Variants in MARCHF6 observed in about 807,000 individuals in gnomAD.
MARCHF6 encodes the protein membrane associated ring-CH-type finger 6.
In MARCHF6, 31 loss-of-function variants were observed where a neutral mutation model predicts 133.7. That is an observed-to-expected ratio of 0.23 (90% confidence interval 0.17 to 0.31). The LOEUF (loss-of-function observed/expected upper bound fraction) is 0.31. MARCHF6 is among the 10% of genes least tolerant of loss of function. MARCHF6 has a pLI of 1.00. For synonymous variants in MARCHF6, 395 were observed against 402.5 expected (o/e 0.98, Z 0.22); for missense variants, 723 against 1,121.6 (o/e 0.64, Z 5.08).
chr5:10,403,169 C>T (rs984436252), intron 14 of MARCHF6, among the ~76,000 whole-genome samples: 3 of 152,086 alleles, frequency 2.0e-5, no homozygotes, highest in Non-Finnish European at 4.4e-5. Context: ...AAAAATAGTT[C>T]TTTAATAGAA....
chr5:10,356,513 A>G (rs1298775801), intron 1 of MARCHF6, among the ~76,000 whole-genome samples: 1 of 151,728 alleles, frequency 6.6e-6, no homozygotes, highest in East Asian at 1.9e-4. Context: ...CTCCTGTCTC[A>G]GCCTCCTGAG....
intron 15 of MARCHF6, among the ~76,000 whole-genome samples, chr5:10,404,511 TG>T (rs1190365481): frequency 2.0e-5 from 3 of 152,222 alleles, no homozygotes; most frequent in Non-Finnish European, 2.9e-5. Flanking sequence ...GACACTATAC[TG>T]CATTCTGGGG....
At chr5:10,356,336 G>GTTTT (rs1336934009) in intron 1 of MARCHF6, among the ~76,000 whole-genome samples, 32 of 129,606 alleles carry the variant, frequency 2.5e-4, no homozygotes, top group African/African-American at 4.8e-4. Flanking sequence ...TTGTGGTTCT[G>GTTTT]TTTTTTATTT....
chr5:10,398,353 T>G (rs1408961358), intron 10 of MARCHF6, among the ~76,000 whole-genome samples: 1 of 152,216 alleles, frequency 6.6e-6, no homozygotes, highest in Non-Finnish European at 1.5e-5. Context: ...AAAATTGATT[T>G]CTGTGTATTA....
At chr5:10,410,812 C>T in intron 18 of MARCHF6, among the ~76,000 whole-genome samples, 1 of 152,206 alleles carries the variant, frequency 6.6e-6, no homozygotes, top group East Asian at 1.9e-4. Flanking sequence ...CTGTCGTCCT[C>T]TAACTGCTTC....
intron 3 of MARCHF6, among the ~76,000 whole-genome samples, chr5:10,381,163 C>T (rs888166769): frequency 3.3e-5 from 5 of 152,116 alleles, no homozygotes; most frequent in Admixed American, 1.3e-4. Context: ...TTATTGGAAC[C>T]ATTTTAAAAG....
At chr5:10,364,758 G>A (rs1736032202) in intron 1 of MARCHF6, among the ~76,000 whole-genome samples, 2 of 152,160 alleles carry the variant, frequency 1.3e-5, no homozygotes, top group Non-Finnish European at 2.9e-5. Context: ...GCAACTGCTG[G>A]TTTTTAGAAA....
At chr5:10,406,119 CATT>C (rs1285296822) in intron 16 of MARCHF6, among the ~76,000 whole-genome samples, 1 of 152,164 alleles carries the variant, frequency 6.6e-6, no homozygotes, top group Non-Finnish European at 1.5e-5. Context: ...ATTGTGTGCT[CATT>C]ATGAGAATCT....
At chr5:10,395,761 A>G (rs1021902208) in intron 9 of MARCHF6, among the ~76,000 whole-genome samples, 3 of 152,208 alleles carry the variant, frequency 2.0e-5, no homozygotes, top group Non-Finnish European at 2.9e-5. Context: ...AGATATCTCC[A>G]TCTGTCTCCT....
rs1273823794 is a variant in MARCHF6, at chr5:10,415,627, A to G, written c.2106A>G (p.Gly702=). The change falls in exon 21 of 26, where the codon GGA becomes GGG. Residue 702 remains glycine (G), a synonymous_variant. Coordinates refer to ENST00000274140, the MANE Select transcript of MARCHF6 (RefSeq NM_005885.4). ...VTVMVAWMPQ[G]RRVIFQKVKE... ...TGATGGTGGCATGGATGCCTCAGGG[A>G]CGCAGAGTGATCTTCCAGAAGGTTA... is the stretch of plus-strand genomic sequence containing the variant. 4 of 1,614,020 alleles carry G rather than the reference A, an allele frequency of 2.5e-6. No homozygotes were observed. In the East Asian group the frequency reaches 6.7e-5, roughly 27 times the overall value.
chr5:10,376,562 G>A (rs1387369495), intron 1 of MARCHF6, among the ~76,000 whole-genome samples: 3 of 152,140 alleles, frequency 2.0e-5, no homozygotes, highest in Non-Finnish European at 4.4e-5. Context: ...GGAGATTAGC[G>A]TGCTAACCAG....
chr5:10,411,349 T>C lies in MARCHF6; in HGVS notation c.1708T>C (p.Leu570=). ...AGYLLDLHSY[L]LGDQEENENS... is the part of the protein sequence containing the mutation. ...TTTGCACAGGGATCTTCATTCTTAT[T>C]TATTGGGAGACCAGGAAGAAAATGA... is the stretch of plus-strand genomic sequence containing the variant. Residue 570 remains leucine, a synonymous_variant, in exon 19 of 26, where the codon TTA becomes CTA. Transcript: ENST00000274140. 6.2e-7 allele frequency: 1 copy of C among 1,614,162 alleles called. No homozygotes were observed. Among genetic ancestry groups the C allele is most frequent in the South Asian group, 1.1e-5 (1 of 91,074 alleles).
chr5:10,374,865 A>C (rs148826815), intron 1 of MARCHF6, among the ~76,000 whole-genome samples: 1 of 152,358 alleles, frequency 6.6e-6, no homozygotes, highest in African/African-American at 2.4e-5. Flanking sequence ...GAGACAGCTT[A>C]ATTTGACTGA....
At chr5:10,401,822 T>C (rs576126976) in intron 11 of MARCHF6, 58 of 535,912 alleles carry the variant, frequency 1.1e-4, no homozygotes, top group African/African-American at 2.1e-4. Context: ...TCTACTGTTA[T>C]TTTGTCTCCT....
At chr5:10,393,542 C>T (rs989806202) in intron 7 of MARCHF6, among the ~76,000 whole-genome samples, 2 of 152,182 alleles carry the variant, frequency 1.3e-5, no homozygotes, top group African/African-American at 2.4e-5. Flanking sequence ...TGAGTCTGGC[C>T]GTTATTTCTC....
At chr5:10,415,303 G>A (rs1579606370) in intron 20 of MARCHF6, among the ~76,000 whole-genome samples, 185 bp from the exon 21 acceptor site, 1 of 152,150 alleles carries the variant, frequency 6.6e-6, no homozygotes, top group Non-Finnish European at 1.5e-5. Context: ...TGTTTTGGTT[G>A]TGATTTCATC....
intron 2 of MARCHF6, 147 bp from the exon 3 acceptor site, chr5:10,378,612 C>T (rs1736930867): frequency 1.8e-6 from 1 of 551,518 alleles, no homozygotes; most frequent in Non-Finnish European, 3.2e-6. Flanking sequence ...AAGGCAGTTA[C>T]AAAAAGTTAA....
chr5:10,362,378 G>C (rs1009553049), intron 1 of MARCHF6, among the ~76,000 whole-genome samples: 1 of 152,206 alleles, frequency 6.6e-6, no homozygotes, highest in African/African-American at 2.4e-5. Flanking sequence ...GAATGGAACA[G>C]TTTGAAGAGC....
At position 10,439,019 on chromosome 5, in the gene MARCHF6, CTG is replaced by C. The variant is rs1449510991; in HGVS notation, c.*5339_*5340del. On this transcript the variant is annotated 3_prime_UTR_variant, in exon 26 of 26. Coordinates refer to ENST00000274140, the MANE Select transcript of MARCHF6 (RefSeq NM_005885.4). ...ACAGTGCCGGAGTTTTTCTGCTTCTCTGTGTTTGTTCAGTAACTCTTCTTTAG... is the reference window on the plus strand; with the variant it reads ...ACAGTGCCGGAGTTTTTCTGCTTCTCTGTTTGTTCAGTAACTCTTCTTTAG... 1 of 152,176 alleles carries C rather than the reference CTG, an allele frequency of 6.6e-6. No homozygotes were observed. Among genetic ancestry groups the C allele is most frequent in the East Asian group, 1.9e-4 (1 of 5,198 alleles). The allele number at this position is 152,176 out of a possible 1,614,324, so 9.4% of individuals were successfully genotyped here.
Sources: allele counts gnomAD v4.1 joint callset (sites outside exome capture counted in the v4.1 genomes callset), GRCh38; gene constraint gnomAD v4.1.1; transcripts MANE v1.5; gene names NCBI Gene and HGNC (gene_info 2026-07-23, HGNC 2026-07-21).